Variants in CDCA7 observed in about 807,000 individuals in gnomAD.
The protein encoded by CDCA7 is cell division cycle-associated protein 7.
Under a neutral mutation model 54.0 loss-of-function variants are expected in CDCA7, and 28 were observed. That is an observed-to-expected ratio of 0.52 (90% confidence interval 0.38 to 0.71). The LOEUF is 0.71. Ranked by LOEUF, CDCA7 falls within the 30% of genes least tolerant of loss-of-function variation. The pLI is 0.00. For synonymous variants in CDCA7, 180 were observed against 208.2 expected (o/e 0.86, Z 1.16); for missense variants, 484 against 586.0 (o/e 0.83, Z 1.80).
rs746002432 is a variant in CDCA7, at chr2:173,354,954, C to A, written c.-10C>A. The A allele has an allele frequency of 2.1e-5, 31 of 1,468,708 alleles. No homozygotes were observed. In the South Asian group the frequency reaches 3.8e-4, roughly 18 times the overall value. 91.0% of individuals were successfully genotyped at this position (1,468,708 alleles called of 1,614,324 possible). ...CGCTCCAAGCGCCGATCTGGGCACC[C>A]GCCACCAGCATGGACGCTCGCCGCG... On this transcript the variant is annotated 5_prime_UTR_variant, in exon 1 of 10. Transcript: ENST00000306721.
Position 173,364,926 on chromosome 2 carries a change from G to A in CDCA7, c.831G>A (p.Glu277=). 6.2e-7 allele frequency: 1 copy of A among 1,608,628 alleles called. No homozygotes were observed. Residue 277 remains glutamate (E), a synonymous_variant, in exon 6 of 10, where the codon GAG becomes GAA. Transcript: ENST00000306721. ...LGSLDALPME[E]EEEEDKYMLV... ...CCCTTGACGCTCTACCCATGGAGGA[G>A]GAGGAGGAAGAGGATAAGTACATGT...
chr2:173,357,039 C>T (rs1178387403), intron 1 of CDCA7, among the ~76,000 whole-genome samples: 1 of 152,178 alleles, frequency 6.6e-6, no homozygotes, highest in East Asian at 1.9e-4. Flanking sequence ...TACATCTTAG[C>T]ATATTTTGTA....
In CDCA7 at chr2:173,366,334, T is replaced by A; in HGVS notation, c.1087T>A (p.Cys363Ser). 6.2e-7 allele frequency: 1 copy of A among 1,613,680 alleles called. No individual in the cohort carries two copies. Among genetic ancestry groups the A allele is most frequent in the East Asian group, 2.2e-5 (1 of 44,804 alleles). ...RQKTIDTKTN[C>S]RNPDCWGVRG... Reference sequence around the variant, plus strand: ...GAAGACTATTGATACCAAAACAAACTGCAGAAACCCAGACTGCTGGGGCGT... The same window carrying A: ...GAAGACTATTGATACCAAAACAAACAGCAGAAACCCAGACTGCTGGGGCGT... The change falls in exon 8 of 10, where the codon TGC becomes AGC. Residue 363 changes from cysteine to serine, a missense_variant. By Grantham distance (112) the Cys-to-Ser change is moderately radical. Coordinates refer to ENST00000306721, the MANE Select transcript of CDCA7 (RefSeq NM_031942.5). The surrounding 1 kb of genome is among the most constrained non-coding windows in gnomAD (Gnocchi z 4.5).
chr2:173,358,747 A>G lies in CDCA7; in HGVS notation c.57A>G (p.Lys19=), dbSNP rs113082218. The change falls in exon 2 of 10, where the codon AAA becomes AAG. Residue 19 remains lysine, a synonymous_variant. Transcript: ENST00000306721. Reference sequence around the variant, plus strand: ...TCAGAGTAAAGAAGAACTTAAAGAAATTCAGATATGTGAAGTTGATTTCCA... The same window carrying G: ...TCAGAGTAAAGAAGAACTTAAAGAAGTTCAGATATGTGAAGTTGATTTCCA... ...KDLRVKKNLK[K]FRYVKLISME... 6.2e-7 allele frequency: 1 copy of G among 1,614,062 alleles called. No individual in the cohort carries two copies. Among genetic ancestry groups the G allele is most frequent in the African/African-American group, 1.3e-5 (1 of 75,062 alleles).
chr2:173,364,094 G>C (rs140654609), intron 5 of CDCA7, 199 bp downstream of exon 5: 6 of 483,764 alleles, frequency 1.2e-5, no homozygotes, highest in South Asian at 3.6e-5. Context: ...CTGTGCTCCT[G>C]TGGCACTAAA....
intron 6 of CDCA7, 64 bp from the exon 7 acceptor site, chr2:173,365,388 A>C (rs901315666): frequency 9.2e-6 from 14 of 1,523,192 alleles, no homozygotes; most frequent in African/African-American, 1.4e-5. Flanking sequence ...CTGTTTTTTC[A>C]GTTTTGAATC....
At position 173,358,831 on chromosome 2, in the gene CDCA7, A is replaced by T. The variant is rs1686564153; in HGVS notation, c.141A>T (p.Ala47=). Residue 47 remains alanine, a synonymous_variant, in exon 2 of 10, where the codon GCA becomes GCT. Coordinates refer to ENST00000306721, the MANE Select transcript of CDCA7 (RefSeq NM_031942.5). Reference sequence around the variant, plus strand: ...ACAGCTTTGCTTCTGATAATTTTGCAAACACGGTAAGTGCTGCCTGAGAAT... The same window carrying T: ...ACAGCTTTGCTTCTGATAATTTTGCTAACACGGTAAGTGCTGCCTGAGAAT... ...SCDSFASDNF[A]NTKPKFRSDI... 2 of 1,613,308 alleles carry T rather than the reference A, an allele frequency of 1.2e-6. No homozygotes were observed. Among genetic ancestry groups the T allele is most frequent in the Non-Finnish European group, 1.7e-6 (2 of 1,179,496 alleles).
At chr2:173,357,645 C>T (rs763209236) in intron 1 of CDCA7, among the ~76,000 whole-genome samples, 161 of 152,238 alleles carry the variant, frequency 1.1e-3, no homozygotes, top group Non-Finnish European at 1.9e-3. Flanking sequence ...ACCTCATTAG[C>T]TTGATTTTGG....
Position 173,367,618 on chromosome 2 carries a change from CT to C in CDCA7, c.1323-12del. ...TGAAAACTATGTCCTGACACATTTCCTTTTGTTTTTCACAGCCTGAAACAGG... is the reference window on the plus strand; with the variant it reads ...TGAAAACTATGTCCTGACACATTTCCTTTGTTTTTCACAGCCTGAAACAGG... On this transcript the variant is annotated splice_polypyrimidine_tract_variant and intron_variant, in intron 9 of 9. Coordinates refer to ENST00000306721, the MANE Select transcript of CDCA7 (RefSeq NM_031942.5). 3.7e-6 allele frequency: 6 copies of C among 1,613,956 alleles called. No homozygotes were observed. Among genetic ancestry groups the C allele is most frequent in the Non-Finnish European group, 4.2e-6 (5 of 1,179,938 alleles).
At chr2:173,367,121 A>G in intron 8 of CDCA7, 29 bp from the exon 9 acceptor site, 3 of 1,554,106 alleles carry the variant, frequency 1.9e-6, no homozygotes, top group Non-Finnish European at 2.6e-6. Context: ...GGTTTAACTT[A>G]ATTGTGCCGT....
chr2:173,361,108 T>C (rs1211319828), intron 3 of CDCA7, among the ~76,000 whole-genome samples: 2 of 152,230 alleles, frequency 1.3e-5, no homozygotes, highest in Non-Finnish European at 1.5e-5. Context: ...GGTTTATTTA[T>C]GTTGTGGCAT....
intron 3 of CDCA7, 78 bp from the exon 4 acceptor site, chr2:173,363,148 A>G (rs767074): frequency 0.3 from 406,693 of 1,377,018 alleles, 63,479 homozygotes; most frequent in African/African-American, 0.49. Flanking sequence ...CAAGTGTCTC[A>G]TTGAAAAGGG....
intron 2 of CDCA7, 37 bp downstream of exon 2, chr2:173,358,874 C>T: frequency 6.3e-7 from 1 of 1,591,852 alleles, no homozygotes; most frequent in South Asian, 1.1e-5. Context: ...ATTGAGTCTG[C>T]AGTGCTCAAA....
chr2:173,362,302 G>A (rs1380983500), intron 3 of CDCA7, among the ~76,000 whole-genome samples: 1 of 152,168 alleles, frequency 6.6e-6, no homozygotes, highest in African/African-American at 2.4e-5. Context: ...CAGGGGCGGA[G>A]GGAAAGAGGG....
Position 173,365,466 on chromosome 2 carries a change from C to T in CDCA7, c.909C>T (p.Pro303=). The T allele has an allele frequency of 6.2e-7, 1 of 1,613,506 alleles. No individual in the cohort carries two copies. Among genetic ancestry groups the T allele is most frequent in the Non-Finnish European group, 8.5e-7 (1 of 1,179,744 alleles). ...VDGYMNEDDL[P]RSRRSRSSVT... ...TTGTAATGCAGGAAGATGACCTGCC[C>T]AGAAGCCGTCGCTCCAGATCATCCG... Residue 303 remains proline, a synonymous_variant, in exon 7 of 10, where the codon CCC becomes CCT. Transcript: ENST00000306721.
rs368509427 is a variant in CDCA7 at position 173,363,313 on chromosome 2, C to T, written c.472C>T (p.Arg158Trp). 1.5e-5 allele frequency: 25 copies of T among 1,614,016 alleles called. No individual in the cohort carries two copies. The highest frequency in any genetic ancestry group is 1.9e-5 in the Non-Finnish European group (22 of 1,180,036). Residue 158 changes from arginine (R) to tryptophan (W), a missense_variant, in exon 4 of 10, where the codon CGG becomes TGG. By Grantham distance (101) the Arg-to-Trp change is moderately radical (BLOSUM62 -3). Around this residue, in one of 3 missense-constraint regions of CDCA7, gnomAD observed 398 missense variants for 447.4 expected, o/e 0.89. Coordinates refer to ENST00000306721, the MANE Select transcript of CDCA7 (RefSeq NM_031942.5). The stretch of plus-strand genomic sequence containing the variant: ...CAGGGTGGCGATGAAGTTTCCAGCG[C>T]GGAGTACCAGGGGAGCAACCAACAA... ...PLRVAMKFPA[R>W]STRGATNKKA...
intron 5 of CDCA7, 83 bp from the exon 6 acceptor site, chr2:173,364,711 CT>C (rs1288438975): frequency 6.6e-7 from 1 of 1,514,806 alleles, no homozygotes; most frequent in East Asian, 2.5e-5. Context: ...TTAAAACATC[CT>C]TAAGGAGAAG....
chr2:173,367,166 C>T lies in CDCA7; in HGVS notation c.1202C>T (p.Pro401Leu). The T allele has an allele frequency of 4.4e-6, 7 of 1,595,800 alleles. No homozygotes were observed. The highest frequency in any genetic ancestry group is 6.0e-6 in the Non-Finnish European group (7 of 1,172,504). The change falls in exon 9 of 10, where the codon CCT becomes CTT. Residue 401 changes from proline (P) to leucine (L), a missense_variant. By Grantham distance (98) the Pro-to-Leu change is moderately conservative (BLOSUM62 -3). Coordinates refer to ENST00000306721, the MANE Select transcript of CDCA7 (RefSeq NM_031942.5). ...CTCCTTCAGAACTGGCATTGCCCGC[C>T]TTGTCGAGGAATCTGCAACTGCAGT... ...ALLDPNWHCP[P>L]CRGICNCSFC...
chr2:173,365,702 C>A, intron 7 of CDCA7, 110 bp downstream of exon 7: 4 of 1,227,394 alleles, frequency 3.3e-6, no homozygotes, highest in Non-Finnish European at 3.3e-6. Context: ...GAAATCTGTA[C>A]CTATATGTTT....
Sources: gnomAD v4.1 joint callset for allele counts (sites outside exome capture counted in the v4.1 genomes callset) on GRCh38, gnomAD v4.1.1 for gene constraint, gnomAD v4.1.1 regional missense constraint, Gnocchi (gnomAD v3.1) non-coding constraint, MANE v1.5 for transcripts, NCBI Gene and HGNC (gene_info 2026-07-23, HGNC 2026-07-21) for gene names.